The following EIF4G3 variants were observed in gnomAD, a reference collection of about 807,000 sequenced individuals.
EIF4G3 encodes eukaryotic translation initiation factor 4 gamma 3, also known as eIF-4-gamma 3.
Under a neutral mutation model 186.4 loss-of-function variants are expected in EIF4G3, and 34 were observed. That is an observed-to-expected ratio of 0.18 (90% CI 0.14 to 0.24). EIF4G3 has a LOEUF of 0.24. Among genes scored for constraint, EIF4G3 ranks in the 10% least tolerant of loss-of-function variants. EIF4G3 has a pLI of 1.00. For synonymous variants in EIF4G3, 673 were observed against 679.5 expected, an observed-to-expected ratio of 0.99 and a Z score of 0.15; for missense variants, 1,536 against 1,948.5, an observed-to-expected ratio of 0.79 and a Z score of 3.99.
At chr1:20,872,387 A>T (rs932136107) in intron 20 of EIF4G3, among the ~76,000 whole-genome samples, 1 of 151,898 alleles carries the variant, frequency 6.6e-6, no homozygotes, top group African/African-American at 2.4e-5. Context: ...TGACCTCCCC[A>T]ACTGGGATTA....
intron 2 of EIF4G3, among the ~76,000 whole-genome samples, chr1:21,173,007 C>T (rs892726643): frequency 3.3e-5 from 5 of 150,910 alleles, no homozygotes; most frequent in Admixed American, 2.6e-4. Flanking sequence ...GGCATGGTGG[C>T]GCACACCTGT....
At chr1:21,130,349 C>T (rs1049758999) in intron 2 of EIF4G3, among the ~76,000 whole-genome samples, 1 of 151,344 alleles carries the variant, frequency 6.6e-6, no homozygotes, top group Non-Finnish European at 1.5e-5. Context: ...CTCAGTCTCC[C>T]GAGTGGTTGG....
intron 3 of EIF4G3, among the ~76,000 whole-genome samples, chr1:21,078,692 A>C (rs560566236): frequency 1.3e-5 from 2 of 152,360 alleles, no homozygotes; most frequent in Admixed American, 6.5e-5. Flanking sequence ...ATGCATCAAA[A>C]TAACACACGT....
intron 4 of EIF4G3, 112 bp from the exon 5 acceptor site, chr1:21,002,920 T>G: frequency 1.8e-6 from 1 of 556,648 alleles, no homozygotes; most frequent in Non-Finnish European, 3.1e-6. Flanking sequence ...GTGGTTTATA[T>G]TCTACTTTTT....
intron 14 of EIF4G3, among the ~76,000 whole-genome samples, chr1:20,925,782 T>C (rs2094843473): frequency 6.6e-6 from 1 of 152,220 alleles, no homozygotes; most frequent in Non-Finnish European, 1.5e-5. Context: ...TCTTCTCACC[T>C]CAGCCTTGCA....
At chr1:21,026,462 C>T (rs906569658) in intron 4 of EIF4G3, among the ~76,000 whole-genome samples, 7 of 150,854 alleles carry the variant, frequency 4.6e-5, no homozygotes, top group East Asian at 3.9e-4. Context: ...AGAGAGAAAA[C>T]GCTCTGAAAC....
intron 2 of EIF4G3, among the ~76,000 whole-genome samples, chr1:21,097,729 A>T (rs966190867): frequency 6.6e-6 from 1 of 152,228 alleles, no homozygotes; most frequent in African/African-American, 2.4e-5. Context: ...TCTTTTCAAC[A>T]AATGGTGCTG....
At chr1:20,949,583 AAG>A (rs557815741) in intron 13 of EIF4G3, among the ~76,000 whole-genome samples, 29 of 152,320 alleles carry the variant, frequency 1.9e-4, no homozygotes, top group Non-Finnish European at 3.8e-4. Flanking sequence ...GTGGCTATAG[AAG>A]CCCAAACTTG....
intron 29 of EIF4G3, among the ~76,000 whole-genome samples, chr1:20,848,140 T>C (rs1242383651): frequency 6.6e-6 from 1 of 152,060 alleles, no homozygotes. Flanking sequence ...CTAATTTTTG[T>C]ATTTTTTGTA....
chr1:20,816,078 C>T (rs1165049354), intron 34 of EIF4G3, among the ~76,000 whole-genome samples: 4 of 124,274 alleles, frequency 3.2e-5, no homozygotes, highest in East Asian at 2.6e-4. Flanking sequence ...CCCGGCCAGC[C>T]GCCCCGTCCG....
chr1:21,007,538 C>A (rs3967625), intron 4 of EIF4G3, among the ~76,000 whole-genome samples: 41,704 of 56,616 alleles, frequency 0.74, 16,422 homozygotes, highest in Non-Finnish European at 0.82. Flanking sequence ...AAAAAAAAAA[C>A]ACACTCAAAA....
chr1:20,893,098 T>C lies in EIF4G3; in HGVS notation c.2253+419A>G, dbSNP rs1051677929. 64 of 192,186 alleles carry C rather than the reference T, an allele frequency of 3.3e-4. 1 individual carries two copies. The highest frequency in any genetic ancestry group is 7.0e-4 in the East Asian group (5 of 7,162). The allele number at this position is 192,186 out of a possible 1,614,324, so 11.9% of individuals were successfully genotyped here. On this transcript the variant is annotated intron_variant, in intron 18 of 36. Coordinates refer to ENST00000602326, the MANE Select transcript of EIF4G3 (RefSeq NM_001391906.1). ...CTGGCCTATTTTTTTCTTTTCTTTTTTTTTTTTTTTTTGTGGTAGAGACAG... is the reference window on the plus strand; with the variant it reads ...CTGGCCTATTTTTTTCTTTTCTTTTCTTTTTTTTTTTTGTGGTAGAGACAG...
intron 2 of EIF4G3, among the ~76,000 whole-genome samples, chr1:21,168,500 A>AC (rs2097900114): frequency 6.6e-6 from 1 of 152,010 alleles, no homozygotes; most frequent in African/African-American, 2.4e-5. Flanking sequence ...AGGTCTCACT[A>AC]CAGCCTTGAC....
At chr1:20,945,654 C>T (rs2095907924) in intron 13 of EIF4G3, among the ~76,000 whole-genome samples, 1 of 152,072 alleles carries the variant, frequency 6.6e-6, no homozygotes, top group African/African-American at 2.4e-5. Flanking sequence ...TTTGTAGAGA[C>T]AGGGTATCGC....
At chr1:20,896,373 C>T (rs532254047) in intron 16 of EIF4G3, among the ~76,000 whole-genome samples, 35 of 146,338 alleles carry the variant, frequency 2.4e-4, no homozygotes, top group African/African-American at 8.4e-4. Context: ...GAGGCTGAGG[C>T]TGCAGTGAGC....
At chr1:20,926,078 T>C (rs1204154514) in intron 14 of EIF4G3, among the ~76,000 whole-genome samples, 1 of 152,210 alleles carries the variant, frequency 6.6e-6, no homozygotes, top group Non-Finnish European at 1.5e-5. Flanking sequence ...AAAAATATCT[T>C]ATTTTAGTAA....
At position 20,941,840 on chromosome 1, in the gene EIF4G3, T is replaced by C. The variant is rs1332458410; in HGVS notation, c.1314A>G (p.Pro438=). 3.7e-6 allele frequency: 6 copies of C among 1,614,092 alleles called. No individual in the cohort carries two copies. Among genetic ancestry groups the C allele is most frequent in the South Asian group, 1.1e-5 (1 of 91,084 alleles). ...IVEIVKQEVL[P]LTLELEILEN... ...CGAGAATCTCCAATTCAAGAGTCAA[T>C]GGCAATACTTCCTGTTTTACTATTT... The change falls in exon 14 of 37, where the codon CCA becomes CCG. Residue 438 remains proline (P), a synonymous_variant. Transcript: ENST00000602326.
At chr1:21,136,310 A>G (rs1184697048) in intron 2 of EIF4G3, among the ~76,000 whole-genome samples, 4 of 152,120 alleles carry the variant, frequency 2.6e-5, no homozygotes, top group Non-Finnish European at 5.9e-5. Flanking sequence ...TGAGGTCAGT[A>G]GTTCAAGGCC....
intron 7 of EIF4G3, among the ~76,000 whole-genome samples, chr1:20,997,238 A>T (rs1407296967): frequency 6.6e-6 from 1 of 152,090 alleles, no homozygotes; most frequent in Non-Finnish European, 1.5e-5. Context: ...TTAACAGAAA[A>T]CCCATAGAAT....
Sources: allele counts gnomAD v4.1 joint callset (sites outside exome capture counted in the v4.1 genomes callset), GRCh38; gene constraint gnomAD v4.1.1; transcripts MANE v1.5; gene names NCBI Gene and HGNC (gene_info 2026-07-23, HGNC 2026-07-21).